ACSBG1: variants seen among roughly 807,000 people sequenced by gnomAD.
ACSBG1 encodes the protein acyl-CoA synthetase bubblegum family member 1, also known as long-chain-fatty-acid--CoA ligase ACSBG1.
A neutral mutation model predicts 80.2 loss-of-function variants in ACSBG1; 39 were observed. The ratio of observed to expected loss-of-function variants is 0.49; its 90% CI spans 0.38 to 0.64. The LOEUF (loss-of-function observed/expected upper bound fraction) is 0.64. Ranked by LOEUF, ACSBG1 falls within the 30% of genes least tolerant of loss-of-function variation. ACSBG1 has a pLI of 0.00. For synonymous variants in ACSBG1, 392 were observed against 379.5 expected (o/e 1.03, Z -0.38); for missense variants, 828 against 966.4 (o/e 0.86, Z 1.90).
At chr15:78,188,240 G>C (rs1374918975) in intron 5 of ACSBG1, among the ~76,000 whole-genome samples, 1 of 151,870 alleles carries the variant, frequency 6.6e-6, no homozygotes, top group Non-Finnish European at 1.5e-5. Context: ...CATGAAAATG[G>C]CCATACTGCC....
chr15:78,224,859 C>T (rs999806667), intron 1 of ACSBG1, among the ~76,000 whole-genome samples: 1 of 151,948 alleles, frequency 6.6e-6, no homozygotes, highest in Non-Finnish European at 1.5e-5. Flanking sequence ...TATCTCTATT[C>T]AACATTACAT....
At chr15:78,171,867 G>T (rs2074827450) in intron 13 of ACSBG1, 1 of 168,962 alleles carries the variant, frequency 5.9e-6, no homozygotes, top group Non-Finnish European at 1.3e-5. Flanking sequence ...ACCCAGTTTT[G>T]ACCCTCAGTC....
chr15:78,204,489 G>A (rs1185148569), intron 2 of ACSBG1, among the ~76,000 whole-genome samples: 3 of 152,320 alleles, frequency 2.0e-5, no homozygotes, highest in Non-Finnish European at 4.4e-5. Flanking sequence ...GGTCCTAGGA[G>A]GGGACACCCA....
intron 11 of ACSBG1, among the ~76,000 whole-genome samples, chr15:78,176,775 T>C (rs563756688): frequency 3.7e-4 from 56 of 151,892 alleles, no homozygotes; most frequent in African/African-American, 1.2e-3. Flanking sequence ...AATAAAAAAT[T>C]AGCCAGTTGT....
chr15:78,179,840 C>CACAT, intron 9 of ACSBG1, 60 bp from the exon 10 acceptor site: 1 of 1,202,634 alleles, frequency 8.3e-7, no homozygotes, highest in Admixed American at 1.9e-5. Flanking sequence ...CACACACACA[C>CACAT]ACATACACAC....
chr15:78,233,454 C>T (rs1353341184), intron 1 of ACSBG1, among the ~76,000 whole-genome samples: 1 of 152,158 alleles, frequency 6.6e-6, no homozygotes, highest in African/African-American at 2.4e-5. Context: ...AGGACTTGGA[C>T]CCTGGTATTT....
chr15:78,216,237 G>A (rs953100885), intron 1 of ACSBG1, among the ~76,000 whole-genome samples: 1 of 152,182 alleles, frequency 6.6e-6, no homozygotes, highest in East Asian at 1.9e-4. Flanking sequence ...TGCATGGGAC[G>A]AGGGGGTATA....
At chr15:78,218,374 T>C (rs746348344) in intron 1 of ACSBG1, among the ~76,000 whole-genome samples, 8 of 152,090 alleles carry the variant, frequency 5.3e-5, no homozygotes, top group Non-Finnish European at 1.2e-4. Flanking sequence ...CTCACAGACT[T>C]GGTCCCTGCC....
chr15:78,200,192 T>C (rs557509790), intron 2 of ACSBG1, among the ~76,000 whole-genome samples: 6 of 152,308 alleles, frequency 3.9e-5, no homozygotes, highest in African/African-American at 1.4e-4. Context: ...ATATCCTTCC[T>C]GGAAGGAGGG....
Position 78,194,515 on chromosome 15 carries a change from G to A in ACSBG1, c.444C>T (p.Gly148=). 2 of 1,614,166 alleles carry A rather than the reference G, an allele frequency of 1.2e-6. No individual in the cohort carries two copies. Among genetic ancestry groups the A allele is most frequent in the Non-Finnish European group, 1.7e-6 (2 of 1,180,020 alleles). ...TGAGGGGCCCCCTTACCTTCAGGAA[G>A]CCCTTGGCGGCTCTGCGGGCGAGCA... The part of the protein sequence containing the change: ...YYLLARRAAK[G]FLKLGLKQAH... Residue 148 remains glycine, a synonymous_variant, in exon 3 of 14, where the codon GGC becomes GGT. Transcript: ENST00000258873.
chr15:78,189,331 A>G (rs1397009451), intron 5 of ACSBG1, among the ~76,000 whole-genome samples: 1 of 151,590 alleles, frequency 6.6e-6, no homozygotes, highest in East Asian at 1.9e-4. Flanking sequence ...GTATATACCC[A>G]AAGGACTATA....
At chr15:78,202,570 T>C (rs1229076960) in intron 2 of ACSBG1, among the ~76,000 whole-genome samples, 1 of 152,068 alleles carries the variant, frequency 6.6e-6, no homozygotes, top group African/African-American at 2.4e-5. Context: ...AACCCACATC[T>C]CCTGAAGCCA....
In ACSBG1 at chr15:78,179,619, G is replaced by T; in HGVS notation, c.1415C>A (p.Ala472Glu). The stretch of plus-strand genomic sequence containing the variant: ...TGAGGTCTCACTGAGGCCGTAGCCC[G>T]CATACAAGCGGATGTTGAGACCCAG... ...FFLGLNIRLY[A>E]GYGLSETSGP... is the part of the protein sequence containing the mutation. The change falls in exon 10 of 14, where the codon GCG becomes GAG. Residue 472 changes from alanine to glutamate, a missense_variant. Physicochemically the swap from Ala to Glu is moderately radical, Grantham distance 107. Around this residue, in one of 3 missense-constraint regions of ACSBG1, gnomAD observed 271 missense variants for 375.9 expected, o/e 0.72. Transcript: ENST00000258873. 3 of 1,614,174 alleles carry T rather than the reference G, an allele frequency of 1.9e-6. No individual in the cohort carries two copies. Among genetic ancestry groups the T allele is most frequent in the South Asian group, 1.1e-5 (1 of 91,080 alleles).
intron 1 of ACSBG1, among the ~76,000 whole-genome samples, chr15:78,216,044 C>T (rs2075309844): frequency 6.6e-6 from 1 of 152,184 alleles, no homozygotes; most frequent in African/African-American, 2.4e-5. Flanking sequence ...AGGCACTCAG[C>T]ATTTAGAAAC....
intron 2 of ACSBG1, 80 bp downstream of exon 2, chr15:78,207,922 C>CCCACCCCCCCCCCCCCCCCCCA: frequency 1.2e-6 from 1 of 852,744 alleles, no homozygotes; most frequent in Non-Finnish European, 1.9e-6. Context: ...GGTGGTCCCC[C>CCCACCCCCCCCCCCCCCCCCCA]ACACCACCCA....
chr15:78,220,957 T>C (rs2075355211), intron 1 of ACSBG1, among the ~76,000 whole-genome samples: 1 of 152,234 alleles, frequency 6.6e-6, no homozygotes, highest in Non-Finnish European at 1.5e-5. Flanking sequence ...CCTTTGTATA[T>C]ACCCAGGAAA....
At chr15:78,176,056 T>A (rs2074879683) in intron 11 of ACSBG1, among the ~76,000 whole-genome samples, 1 of 131,938 alleles carries the variant, frequency 7.6e-6, no homozygotes, top group African/African-American at 3.1e-5. Context: ...CAAACATACT[T>A]TTTTTAAGAT....
intron 1 of ACSBG1, among the ~76,000 whole-genome samples, chr15:78,215,303 C>T (rs2075298542): frequency 6.7e-6 from 1 of 150,174 alleles, no homozygotes. Flanking sequence ...AAAGAAATGT[C>T]CTCAAATGTC....
chr15:78,203,758 G>A, intron 2 of ACSBG1, among the ~76,000 whole-genome samples: 1 of 152,242 alleles, frequency 6.6e-6, no homozygotes, highest in Non-Finnish European at 1.5e-5. Context: ...AAAGGCTGCA[G>A]GAAAGTAGCT....
Sources: allele counts gnomAD v4.1 joint callset (sites outside exome capture counted in the v4.1 genomes callset), GRCh38; gene constraint gnomAD v4.1.1; regional missense constraint gnomAD v4.1.1; transcripts MANE v1.5; gene names NCBI Gene and HGNC (gene_info 2026-07-23, HGNC 2026-07-21).